The following PYROXD2 variants were observed in gnomAD, a reference collection of about 807,000 sequenced individuals.
The protein encoded by PYROXD2 is pyridine nucleotide-disulfide oxidoreductase domain-containing protein 2.
A neutral mutation model predicts 71.1 loss-of-function variants in PYROXD2; 69 were observed. The ratio of observed to expected loss-of-function variants is 0.97; its 90% confidence interval spans 0.80 to 1.19. The LOEUF (loss-of-function observed/expected upper bound fraction) is 1.19. Ranked by LOEUF, PYROXD2 falls within the 50% of genes most tolerant of loss-of-function variation. The probability of loss-of-function intolerance (pLI) is 0.00; values close to 1 mark genes in which losing one functional copy is unlikely to be tolerated. For synonymous variants in PYROXD2, 287 were observed against 302.7 expected, an observed-to-expected ratio of 0.95 and a Z score of 0.54; for missense variants, 745 against 748.9, an observed-to-expected ratio of 0.99 and a Z score of 0.06.
In PYROXD2 at chr10:98,397,481, C is replaced by T. The variant is rs1402912407; in HGVS notation, c.489G>A (p.Glu163=). 1 of 1,605,420 alleles carries T rather than the reference C, an allele frequency of 6.2e-7. No homozygotes were observed. Among genetic ancestry groups the T allele is most frequent in the East Asian group, 2.2e-5 (1 of 44,526 alleles). ...CTAATGCCAAGCGATGCATGAACTCCTCATATTTGGGAAAGACCTGGAACA... is the reference window on the plus strand; with the variant it reads ...CTAATGCCAAGCGATGCATGAACTCTTCATATTTGGGAAAGACCTGGAACA... The part of the protein sequence containing the change: ...QKDAQVFPKY[E]EFMHRLALAI... The change falls in exon 6 of 16, where the codon GAG becomes GAA. Residue 163 remains glutamate, a synonymous_variant. Transcript: ENST00000370575.
chr10:98,410,764 A>G (rs1590980167), intron 2 of PYROXD2, 175 bp downstream of exon 2: 1 of 879,974 alleles, frequency 1.1e-6, no homozygotes, highest in Non-Finnish European at 1.7e-6. Flanking sequence ...CTGGCTGCAG[A>G]TGAGCATTCG....
chr10:98,386,788 T>A (rs541972237), intron 14 of PYROXD2, among the ~76,000 whole-genome samples: 5 of 152,272 alleles, frequency 3.3e-5, no homozygotes, highest in African/African-American at 1.2e-4. Flanking sequence ...AAGTGCTCAG[T>A]AGCTGCAATG....
chr10:98,384,887 C>T (rs139947013), intron 15 of PYROXD2, 60 bp downstream of exon 15: 1 of 1,521,784 alleles, frequency 6.6e-7, no homozygotes, highest in Non-Finnish European at 8.8e-7. Flanking sequence ...TTCTCCAAGT[C>T]TCTGGCCTCC....
At chr10:98,402,726 C>A (rs1843458359) in intron 4 of PYROXD2, among the ~76,000 whole-genome samples, 1 of 152,226 alleles carries the variant, frequency 6.6e-6, no homozygotes, top group African/African-American at 2.4e-5. Flanking sequence ...GCCTCCCCCG[C>A]ACTCCCTGCC....
chr10:98,386,380 A>G (rs1472425764), intron 14 of PYROXD2, among the ~76,000 whole-genome samples: 1 of 150,152 alleles, frequency 6.7e-6, no homozygotes, highest in Non-Finnish European at 1.5e-5. Context: ...AGCTGATGAA[A>G]CTAATGTCAA....
chr10:98,402,241 G>A (rs1026461114), intron 4 of PYROXD2, among the ~76,000 whole-genome samples: 1 of 152,202 alleles, frequency 6.6e-6, no homozygotes, highest in Admixed American at 6.5e-5. Flanking sequence ...AGGCTCATAG[G>A]AGTTAAATAA....
chr10:98,407,362 G>A (rs923507323), intron 4 of PYROXD2, among the ~76,000 whole-genome samples: 1 of 152,188 alleles, frequency 6.6e-6, no homozygotes, highest in African/African-American at 2.4e-5. Context: ...TCTGATTTTT[G>A]GATGAAATTT....
chr10:98,401,859 A>G (rs1306143410), intron 4 of PYROXD2, among the ~76,000 whole-genome samples: 1 of 152,104 alleles, frequency 6.6e-6, no homozygotes, highest in Non-Finnish European at 1.5e-5. Flanking sequence ...TTTGCTGGAT[A>G]CCTCCTGACA....
Position 98,407,639 on chromosome 10 carries a change from G to A in PYROXD2, c.258C>T (p.Arg86=), listed in dbSNP as rs12763326. 52,437 of 897,802 alleles carry A rather than the reference G, an allele frequency of 0.058. 12,405 individuals are homozygous for A. Among genetic ancestry groups the A allele is most frequent in the African/African-American group, 0.4 (19,593 of 48,698 alleles). The allele number at this position is 897,802 out of a possible 1,614,324, so 55.6% of individuals were successfully genotyped here. The change falls in exon 4 of 16, where the codon CGC becomes CGT. Residue 86 remains arginine, a synonymous_variant. Coordinates refer to ENST00000370575, the MANE Select transcript of PYROXD2 (RefSeq NM_032709.3). The stretch of plus-strand genomic sequence containing the variant: ...TCAGCAGGCTGAGCAGGTAGGACGC[G>A]CGGGAGAACTTAAACCCTGAAACCG... ...EEIIPGFKFS[R]ASYLLSLLRP... is the part of the protein sequence containing the mutation.
intron 12 of PYROXD2, 22 bp from the exon 13 acceptor site, chr10:98,388,530 G>A (rs766662734): frequency 2.6e-5 from 40 of 1,559,602 alleles, no homozygotes; most frequent in South Asian, 8.6e-5. Context: ...GGGAGGAGAC[G>A]GCAGGTCTAA....
intron 12 of PYROXD2, among the ~76,000 whole-genome samples, 172 bp from the exon 13 acceptor site, chr10:98,388,680 G>A (rs541318795): frequency 6.6e-6 from 1 of 151,798 alleles, no homozygotes; most frequent in South Asian, 2.1e-4. Flanking sequence ...CTGCTAGCGT[G>A]GTCCAGAGCA....
chr10:98,412,864 C>T (rs999145997), intron 1 of PYROXD2, among the ~76,000 whole-genome samples: 2 of 152,298 alleles, frequency 1.3e-5, no homozygotes, highest in Non-Finnish European at 2.9e-5. Flanking sequence ...TGAGCTGTGG[C>T]TGAGCACGGA....
intron 1 of PYROXD2, among the ~76,000 whole-genome samples, chr10:98,413,524 G>C (rs1410154769): frequency 6.6e-6 from 1 of 151,998 alleles, no homozygotes; most frequent in East Asian, 1.9e-4. Context: ...GATCAGCCTC[G>C]CCAACATGGT....
intron 8 of PYROXD2, among the ~76,000 whole-genome samples, chr10:98,394,558 AC>A (rs1366082188): frequency 2.1e-4 from 32 of 151,716 alleles, no homozygotes; most frequent in Non-Finnish European, 3.5e-4. Context: ...ACACACACAC[AC>A]ACACACACAC....
chr10:98,414,224 G>A (rs1035828566), intron 1 of PYROXD2: 2 of 152,100 alleles, frequency 1.3e-5, no homozygotes, highest in African/African-American at 4.8e-5. Flanking sequence ...GCTGCATGTT[G>A]AGTGCCGTCT....
chr10:98,407,713 C>T (rs1451186154), intron 3 of PYROXD2, 58 bp from the exon 4 acceptor site: 1 of 1,571,854 alleles, frequency 6.4e-7, no homozygotes, highest in Non-Finnish European at 8.7e-7. Flanking sequence ...AGGACCGTCA[C>T]CAGGGGTCAG....
rs1274741251 is a variant in PYROXD2, at chr10:98,390,614, C to T, written c.1276G>A (p.Gly426Ser). 6.3e-7 allele frequency: 1 copy of T among 1,596,090 alleles called. No homozygotes were observed. The highest frequency in any genetic ancestry group is 8.5e-7 in the Non-Finnish European group (1 of 1,170,848). Residue 426 changes from glycine to serine, a missense_variant, in exon 12 of 16, where the codon GGC becomes AGC. Gly to Ser is a moderately conservative substitution (Grantham distance 56). Coordinates refer to ENST00000370575, the MANE Select transcript of PYROXD2 (RefSeq NM_032709.3). ...LHQAFEDAMD[G>S]LPSHRPVIEL... The stretch of plus-strand genomic sequence containing the variant: ...GGCCCCTACCTGTGGGAAGGCAGGC[C>T]ATCCATGGCATCTTCAAAGGCCTGA...
chr10:98,391,788 C>T (rs1016573805), intron 10 of PYROXD2, among the ~76,000 whole-genome samples: 6 of 152,150 alleles, frequency 3.9e-5, no homozygotes, highest in Non-Finnish European at 5.9e-5. Context: ...CCTGGACTAC[C>T]GTGCTGGAGG....
chr10:98,391,364 T>C (rs564270645), intron 10 of PYROXD2, among the ~76,000 whole-genome samples: 2 of 152,322 alleles, frequency 1.3e-5, no homozygotes, highest in African/African-American at 4.8e-5. Context: ...CTCTTTTCAC[T>C]ACTGGTCTGT....
Sources: gnomAD v4.1 joint callset for allele counts (sites outside exome capture counted in the v4.1 genomes callset) on GRCh38, gnomAD v4.1.1 for gene constraint, MANE v1.5 for transcripts, NCBI Gene and HGNC (gene_info 2026-07-23, HGNC 2026-07-21) for gene names.